The following BAZ2B variants were observed in gnomAD, a reference collection of about 807,000 sequenced individuals.
The protein encoded by BAZ2B is bromodomain adjacent to zinc finger domain protein 2B.
Under a neutral mutation model 246.0 loss-of-function variants are expected in BAZ2B, and 91 were observed. The ratio of observed to expected loss-of-function variants is 0.37; its 90% CI spans 0.31 to 0.44. The LOEUF is 0.44. Among genes scored for constraint, BAZ2B ranks in the 20% least tolerant of loss-of-function variants. The pLI is 1.00. For synonymous variants in BAZ2B, 855 were observed against 860.0 expected (o/e 0.99, Z 0.10); for missense variants, 2,332 against 2,533.7 (o/e 0.92, Z 1.71).
At chr2:159,552,108 G>A (rs547160126) in intron 2 of BAZ2B, among the ~76,000 whole-genome samples, 1 of 151,938 alleles carries the variant, frequency 6.6e-6, no homozygotes, top group African/African-American at 2.4e-5. Context: ...TGGTTTTCTC[G>A]CCCATTACCT....
rs187822446 is a variant in BAZ2B at position 159,349,116 on chromosome 2, A to G, written c.5028T>C (p.Ser1676=). The G allele has an allele frequency of 6.8e-6, 11 of 1,614,062 alleles. No individual in the cohort carries two copies. In the East Asian group the frequency reaches 2.5e-4, roughly 36 times the overall value. Residue 1676 remains serine (S), a synonymous_variant, in exon 29 of 37, where the codon AGT becomes AGC. Transcript: ENST00000392783. ...TCTGTGGTACTGGAGATTCACTTTT[A>G]CTTGAAGCAACATTGGAAGTCAAGA... The part of the protein sequence containing the change: ...NSFLTSNVAS[S]KSESPVPQNE...
In BAZ2B at chr2:159,433,314, G is replaced by A. The variant is rs757918059; in HGVS notation, c.1343C>T (p.Ser448Leu). Residue 448 changes from serine to leucine, a missense_variant, in exon 9 of 37, where the codon TCG becomes TTG. Around this residue, in one of 9 missense-constraint regions of BAZ2B, gnomAD observed 651 missense variants for 650.9 expected, o/e 1.00. Transcript: ENST00000392783. ...FPSQLKKQESSKSLKKVIAAL... is the reference protein window; with the variant it reads ...FPSQLKKQESLKSLKKVIAAL... ...TGCAATAACCTTCTTCAGGCTCTTC[G>A]ATGACTCTTGTTTCTTTAACTGTGA... is the stretch of plus-strand genomic sequence containing the variant. The A allele has an allele frequency of 1.2e-6, 2 of 1,613,926 alleles. No homozygotes were observed. Among genetic ancestry groups the A allele is most frequent in the South Asian group, 1.1e-5 (1 of 91,066 alleles).
At chr2:159,359,329 C>T (rs973587554) in intron 27 of BAZ2B, among the ~76,000 whole-genome samples, 21 of 152,186 alleles carry the variant, frequency 1.4e-4, no homozygotes, top group African/African-American at 4.8e-4. Context: ...CTAGAAACAC[C>T]TCTACGCAAA....
intron 2 of BAZ2B, among the ~76,000 whole-genome samples, chr2:159,538,040 AG>A (rs2086230016): frequency 6.6e-6 from 1 of 152,128 alleles, no homozygotes; most frequent in Non-Finnish European, 1.5e-5. Context: ...TCTGTTGCTC[AG>A]GCTGCAGTGC....
chr2:159,357,629 T>A (rs1460188927), intron 27 of BAZ2B, among the ~76,000 whole-genome samples: 1 of 151,656 alleles, frequency 6.6e-6, no homozygotes, highest in East Asian at 1.9e-4. Context: ...ACAAAGATAC[T>A]CCTTGAGAAG....
intron 3 of BAZ2B, among the ~76,000 whole-genome samples, chr2:159,471,244 G>A (rs2077750879): frequency 6.6e-6 from 1 of 152,182 alleles, no homozygotes; most frequent in Non-Finnish European, 1.5e-5. Flanking sequence ...TCTCCTTTCA[G>A]AAGTTGGGCT....
intron 2 of BAZ2B, among the ~76,000 whole-genome samples, chr2:159,528,253 T>A (rs1256656139): frequency 1.3e-5 from 2 of 152,146 alleles, no homozygotes; most frequent in Non-Finnish European, 2.9e-5. Flanking sequence ...GTTAGGGGGT[T>A]ACTGTGACAG....
Position 159,448,317 on chromosome 2 carries a change from G to T in BAZ2B, c.427C>A (p.Pro143Thr). The stretch of plus-strand genomic sequence containing the variant: ...GAAGAAGAATCATGATTCTGGGCTG[G>T]GGGAGCAAATAGTGGTGGAATTCCC... ...LLGIPPLFAPPAQNHDSSSFH... is the reference protein window; with the variant it reads ...LLGIPPLFAPTAQNHDSSSFH... The change falls in exon 5 of 37, where the codon CCA (proline) becomes ACA (threonine). Residue 143 changes from proline (P) to threonine (T), a missense_variant. By Grantham distance (38) the Pro-to-Thr change is conservative. Coordinates refer to ENST00000392783, the MANE Select transcript of BAZ2B (RefSeq NM_013450.4). 6.2e-7 allele frequency: 1 copy of T among 1,613,350 alleles called. No individual in the cohort carries two copies. The highest frequency in any genetic ancestry group is 1.3e-5 in the African/African-American group (1 of 74,950).
chr2:159,641,283 T>C, the BAZ2B span, among the ~76,000 whole-genome samples: 1 of 152,210 alleles, frequency 6.6e-6, no homozygotes, highest in Non-Finnish European at 1.5e-5. Context: ...TAGTATCTCA[T>C]TGCGGTTTTG....
intron 13 of BAZ2B, among the ~76,000 whole-genome samples, chr2:159,425,950 C>A (rs1433410733): frequency 2.0e-5 from 3 of 152,146 alleles, no homozygotes; most frequent in Non-Finnish European, 4.4e-5. Flanking sequence ...AATTAATTAA[C>A]TAGAACACTT....
At position 159,419,190 on chromosome 2, in the gene BAZ2B, G is replaced by A. The variant is rs113838670; in HGVS notation, c.2467-6645C>T. Among the ~76,000 whole-genome samples, 656 of 152,110 alleles carry A rather than the reference G, an allele frequency of 4.3e-3. 2 individuals are homozygous for A. The highest frequency in any genetic ancestry group is 0.015 in the African/African-American group (626 of 41,510). ...CACCTAAAAGCAAATTGATCTTAAA[G>A]ACCTCTTATATGCATTTACATTACA... On this transcript the variant is annotated intron_variant, in intron 13 of 36. Coordinates refer to ENST00000392783, the MANE Select transcript of BAZ2B (RefSeq NM_013450.4).
intron 1 of BAZ2B, among the ~76,000 whole-genome samples, chr2:159,613,237 C>T (rs1695073181): frequency 6.6e-6 from 1 of 152,036 alleles, no homozygotes; most frequent in African/African-American, 2.4e-5. Context: ...CCAATAAATG[C>T]ATTTCCAAGA....
At chr2:159,510,141 G>C (rs548911095) in intron 2 of BAZ2B, among the ~76,000 whole-genome samples, 4 of 152,178 alleles carry the variant, frequency 2.6e-5, no homozygotes, top group African/African-American at 9.6e-5. Flanking sequence ...GTTACTAGGA[G>C]ATGGGGGATG....
At chr2:159,641,286 C>T in the BAZ2B span, among the ~76,000 whole-genome samples, 3 of 152,064 alleles carry the variant, frequency 2.0e-5, no homozygotes, top group Non-Finnish European at 4.4e-5. Flanking sequence ...TATCTCATTG[C>T]GGTTTTGAGT....
chr2:159,574,144 C>T (rs200704916), intron 1 of BAZ2B, among the ~76,000 whole-genome samples: 34 of 27,558 alleles, frequency 1.2e-3, no homozygotes, highest in Middle Eastern at 0.021. Flanking sequence ...CACACACATA[C>T]ACACACACAC....
the BAZ2B span, among the ~76,000 whole-genome samples, chr2:159,642,483 C>T: frequency 2.7e-4 from 41 of 152,086 alleles, no homozygotes; most frequent in Non-Finnish European, 4.3e-4. Flanking sequence ...AAGTGATCCA[C>T]CCGCCTCGGC....
chr2:159,482,231 G>A (rs1448630637), intron 2 of BAZ2B, among the ~76,000 whole-genome samples: 2 of 151,650 alleles, frequency 1.3e-5, no homozygotes, highest in Non-Finnish European at 2.9e-5. Context: ...AACCTTGAAG[G>A]AATGAAGAAC....
At chr2:159,565,953 T>C (rs1682455579) in intron 1 of BAZ2B, among the ~76,000 whole-genome samples, 1 of 152,150 alleles carries the variant, frequency 6.6e-6, no homozygotes, top group Admixed American at 6.6e-5. Flanking sequence ...AGAAAATCAT[T>C]TAGAAACAAT....
chr2:159,382,839 A>G (rs2062154650), intron 24 of BAZ2B, 37 bp from the exon 25 acceptor site: 11 of 1,596,056 alleles, frequency 6.9e-6, no homozygotes, highest in East Asian at 2.2e-5. Context: ...AAGGAAAAAA[A>G]GACTTCTCAA....
Sources: allele counts gnomAD v4.1 joint callset (sites outside exome capture counted in the v4.1 genomes callset), GRCh38; gene constraint gnomAD v4.1.1; regional missense constraint gnomAD v4.1.1; transcripts MANE v1.5; gene names NCBI Gene and HGNC (gene_info 2026-07-23, HGNC 2026-07-21).